Variants in ATP10B observed in about 807,000 individuals in gnomAD.
ATP10B encodes the protein ATPase phospholipid transporting 10B (putative), also known as phospholipid-transporting ATPase VB.
A neutral mutation model predicts 141.2 loss-of-function variants in ATP10B; 122 were observed. The observed-to-expected ratio is 0.86, with a 90% CI of 0.75 to 1.00. The LOEUF is 1.00. ATP10B is among the 50% of genes least tolerant of loss of function. The probability of loss-of-function intolerance (pLI) is 0.00; values close to 1 mark genes in which losing one functional copy is unlikely to be tolerated. For synonymous variants in ATP10B, 685 were observed against 692.0 expected, an observed-to-expected ratio of 0.99 and a Z score of 0.16; for missense variants, 1,876 against 1,825.3, an observed-to-expected ratio of 1.03 and a Z score of -0.51.
intron 7 of ATP10B, among the ~76,000 whole-genome samples, chr5:160,650,525 G>C (rs1436030490): frequency 6.6e-6 from 1 of 152,080 alleles, no homozygotes; most frequent in African/African-American, 2.4e-5. Flanking sequence ...AACTCCCCAG[G>C]CCTCCACAAA....
intron 2 of ATP10B, among the ~76,000 whole-genome samples, chr5:160,734,699 C>A (rs1766986795): frequency 6.6e-6 from 1 of 151,656 alleles, no homozygotes; most frequent in South Asian, 2.1e-4. Flanking sequence ...AATAAAAACA[C>A]AACAAAAGAA....
chr5:160,727,789 A>G (rs1260204646), intron 2 of ATP10B, among the ~76,000 whole-genome samples: 1 of 152,180 alleles, frequency 6.6e-6, no homozygotes, highest in African/African-American at 2.4e-5. Context: ...CCCTCTTCCA[A>G]ATGAGTAGCT....
At position 160,564,477 on chromosome 5, in the gene ATP10B, T is replaced by C. The variant is rs936724849; in HGVS notation, c.*976A>G. 6.6e-6 allele frequency: 1 copy of C among 152,100 alleles called. No individual in the cohort carries two copies. The highest frequency in any genetic ancestry group is 1.5e-5 in the Non-Finnish European group (1 of 68,026). The allele number at this position is 152,100 out of a possible 1,614,324, so 9.4% of individuals were successfully genotyped here. ...GTTTCAGCCTATCCCCATTCTGGAA[T>C]AGGCTGAATGGGGTTTCAGATTAGT... is the stretch of plus-strand genomic sequence containing the variant. On this transcript the variant is annotated 3_prime_UTR_variant, in exon 26 of 26. Transcript: ENST00000327245.
At chr5:160,925,045 A>G in the ATP10B span, among the ~76,000 whole-genome samples, 1 of 152,232 alleles carries the variant, frequency 6.6e-6, no homozygotes, top group Admixed American at 6.5e-5. Flanking sequence ...ATGACAGGAC[A>G]CCGATAATTA....
chr5:160,600,388 A>T (rs1246703469), intron 21 of ATP10B, among the ~76,000 whole-genome samples: 1 of 152,122 alleles, frequency 6.6e-6, no homozygotes, highest in Non-Finnish European at 1.5e-5. Flanking sequence ...ATACGATTAG[A>T]CTTTTCTAGA....
intron 3 of ATP10B, among the ~76,000 whole-genome samples, chr5:160,700,723 CA>C (rs1764619718): frequency 6.6e-6 from 1 of 152,100 alleles, no homozygotes; most frequent in African/African-American, 2.4e-5. Flanking sequence ...ACAGAGTTCT[CA>C]AAAGGTCTCC....
At chr5:160,849,668 C>A (rs912470162) in intron 1 of ATP10B, among the ~76,000 whole-genome samples, 1 of 139,188 alleles carries the variant, frequency 7.2e-6, no homozygotes, top group African/African-American at 2.5e-5. Context: ...ATTTGACAGG[C>A]GCAGTAACTT....
intron 22 of ATP10B, among the ~76,000 whole-genome samples, chr5:160,598,034 C>CCATTAA (rs139907486): frequency 4.1e-5 from 1 of 24,168 alleles, no homozygotes; most frequent in Non-Finnish European, 1.2e-4. Context: ...CCCAGCCATC[C>CCATTAA]TGGGTATATA....
intron 2 of ATP10B, among the ~76,000 whole-genome samples, chr5:160,743,110 T>G (rs903017210): frequency 6.6e-6 from 1 of 152,216 alleles, no homozygotes; most frequent in Non-Finnish European, 1.5e-5. Flanking sequence ...CACAACCCTA[T>G]GGGACTGGCA....
In ATP10B at chr5:160,634,514, T is replaced by C. The variant is rs775973201; in HGVS notation, c.1221A>G (p.Glu407=). The change falls in exon 12 of 26, where the codon GAA becomes GAG. Residue 407 remains glutamate, a synonymous_variant. Transcript: ENST00000327245. The part of the protein sequence containing the change: ...FLSNDLDLYD[E]ETDLSIQCRA... ...GACATTGAATGGATAAATCGGTCTC[T>C]TCATCATACAGGTCAAGGTCATTGC... 1 of 1,614,192 alleles carries C rather than the reference T, an allele frequency of 6.2e-7. No individual in the cohort carries two copies. Among genetic ancestry groups the C allele is most frequent in the Non-Finnish European group, 8.5e-7 (1 of 1,180,032 alleles).
intron 2 of ATP10B, among the ~76,000 whole-genome samples, chr5:160,740,489 C>T (rs12657895): frequency 0.07 from 10,666 of 152,194 alleles, 363 homozygotes; most frequent in Middle Eastern, 0.085. Context: ...CTCTGCTTAT[C>T]GGCCCTGGCT....
Position 160,634,612 on chromosome 5 carries a change from A to AAG in ATP10B, c.1129-8_1129-7dup. 1 of 1,600,664 alleles carries AAG rather than the reference A, an allele frequency of 6.2e-7. No individual in the cohort carries two copies. The highest frequency in any genetic ancestry group is 8.5e-7 in the Non-Finnish European group (1 of 1,172,942). ...AAAGAGATGGGGATCAGCACCTGAA[A>AAG]AGAGATGAGTTTCTACCATTCAGAA... is the stretch of plus-strand genomic sequence containing the variant. On this transcript the variant is annotated splice_polypyrimidine_tract_variant and splice_region_variant and intron_variant, in intron 11 of 25. Transcript: ENST00000327245.
At chr5:160,748,606 A>G (rs1432932855) in intron 2 of ATP10B, among the ~76,000 whole-genome samples, 1 of 152,160 alleles carries the variant, frequency 6.6e-6, no homozygotes, top group Non-Finnish European at 1.5e-5. Flanking sequence ...GGGTGCTTCA[A>G]GGTGCAGGAG....
At position 160,830,958 on chromosome 5, in the gene ATP10B, C is replaced by T. The variant is rs538252711; in HGVS notation, c.-576+20983G>A. 3.8e-5 allele frequency among the ~76,000 whole-genome samples: 4 copies of T among 105,824 alleles called. No individual in the cohort carries two copies. The Admixed American group carries it at 4.2e-4, about 11-fold the overall frequency. The allele number at this position is 105,824 out of a possible 152,430, so 69.4% of individuals were successfully genotyped here. ...CTTCTCAATCTCTCTCTCTCTCTCT[C>T]ATACATACACAAACACACACACACA... On this transcript the variant is annotated intron_variant, in intron 1 of 25. Transcript: ENST00000327245.
chr5:160,798,390 C>A (rs1246279971), intron 1 of ATP10B, among the ~76,000 whole-genome samples: 1 of 152,162 alleles, frequency 6.6e-6, no homozygotes, highest in African/African-American at 2.4e-5. Flanking sequence ...AGAGTGGGCC[C>A]TAACCCAATG....
At chr5:160,673,708 C>T (rs1462190536) in intron 6 of ATP10B, among the ~76,000 whole-genome samples, 1 of 141,780 alleles carries the variant, frequency 7.1e-6, no homozygotes, top group African/African-American at 2.6e-5. Flanking sequence ...AGGGTGGGAA[C>T]TCCTTCACTA....
rs1754426594 is a variant in ATP10B, at chr5:160,564,547, C to T, written c.*906G>A. 6.6e-6 allele frequency: 1 copy of T among 152,160 alleles called. No individual in the cohort carries two copies. 9.4% of individuals were successfully genotyped at this position (152,160 alleles called of 1,614,324 possible). A position where few individuals can be genotyped will look rare whatever the true frequency, so the allele number is the denominator to read the frequency against. On this transcript the variant is annotated 3_prime_UTR_variant, in exon 26 of 26. Transcript: ENST00000327245. ...TTGTTTAAGCTCAGGGTTGCCCTAT[C>T]ATATGGGCCTATTCTGGGTGCAGAT...
intron 23 of ATP10B, 57 bp downstream of exon 23, chr5:160,591,002 A>G (rs926315983): frequency 4.2e-6 from 6 of 1,433,954 alleles, no homozygotes; most frequent in Admixed American, 3.6e-5. Context: ...ACTTTATATA[A>G]AAAGGACCAG....
the ATP10B span, among the ~76,000 whole-genome samples, chr5:160,879,487 GTAAC>G: frequency 6.9e-6 from 1 of 144,276 alleles, no homozygotes; most frequent in South Asian, 2.3e-4. Flanking sequence ...GTATACGTAT[GTAAC>G]TAACCTGCAC....
Sources: allele counts gnomAD v4.1 joint callset (sites outside exome capture counted in the v4.1 genomes callset), GRCh38; gene constraint gnomAD v4.1.1; transcripts MANE v1.5; gene names NCBI Gene and HGNC (gene_info 2026-07-23, HGNC 2026-07-21).